SEMA5A: variants seen among roughly 807,000 people sequenced by gnomAD.
SEMA5A encodes the protein semaphorin 5A.
SEMA5A carries 55 observed loss-of-function variants against 135.5 expected under a neutral mutation model. That is an observed-to-expected ratio of 0.41 (90% CI 0.33 to 0.51). The LOEUF (loss-of-function observed/expected upper bound fraction) is 0.51. Ranked by LOEUF, SEMA5A falls within the 20% of genes least tolerant of loss-of-function variation. The probability of loss-of-function intolerance (pLI) is 0.37; values close to 1 mark genes in which losing one functional copy is unlikely to be tolerated. For missense variants in SEMA5A, 1,290 were observed against 1,419.9 expected (o/e 0.91, Z 1.47); for synonymous variants, 580 against 546.5 (o/e 1.06, Z -0.85).
chr5:9,408,099 C>T (rs113401453), intron 2 of SEMA5A, among the ~76,000 whole-genome samples: 3,507 of 151,960 alleles, frequency 0.023, 48 homozygotes, highest in Non-Finnish European at 0.031. Context: ...ACAATCATCA[C>T]CAACACTACC....
chr5:9,050,410 C>T lies in SEMA5A; in HGVS notation c.2893G>A (p.Glu965Lys), dbSNP rs775067642. 6.2e-7 allele frequency: 1 copy of T among 1,611,816 alleles called. No homozygotes were observed. Among genetic ancestry groups the T allele is most frequent in the South Asian group, 1.1e-5 (1 of 90,366 alleles). The change falls in exon 21 of 23, where the codon GAG (glutamate) becomes AAG (lysine). Residue 965 changes from glutamate to lysine, a missense_variant and splice_region_variant. Glu to Lys is a moderately conservative substitution (Grantham distance 56). Coordinates refer to ENST00000382496, the MANE Select transcript of SEMA5A (RefSeq NM_003966.3). Reference protein sequence around the residue: ...SSSVEEKRCGEFNMFHMIAVG... With the variant: ...SSSVEEKRCGKFNMFHMIAVG... ...CAACTACTTAAAAGGAATAACGTAC[C>T]TCCACACCTTTTCTCTTCTACGCTA...
At chr5:9,435,596 G>A (rs896633551) in intron 2 of SEMA5A, among the ~76,000 whole-genome samples, 2 of 152,082 alleles carry the variant, frequency 1.3e-5, no homozygotes, top group East Asian at 1.9e-4. Flanking sequence ...TACTGTCCCC[G>A]AAACACTCTC....
intron 12 of SEMA5A, among the ~76,000 whole-genome samples, chr5:9,142,282 C>T (rs549532872): frequency 2.2e-4 from 34 of 152,220 alleles, no homozygotes; most frequent in African/African-American, 7.7e-4. Context: ...ATTTGATAGG[C>T]GCCAGCAAGA....
intron 5 of SEMA5A, among the ~76,000 whole-genome samples, chr5:9,272,226 C>G (rs1750012693): frequency 1.3e-5 from 2 of 152,026 alleles, no homozygotes; most frequent in South Asian, 4.1e-4. Context: ...GGTGGTTTTA[C>G]CCTCACAGTG....
chr5:9,192,210 G>A (rs1464246698), intron 10 of SEMA5A, among the ~76,000 whole-genome samples: 1 of 152,278 alleles, frequency 6.6e-6, no homozygotes, highest in East Asian at 1.9e-4. Flanking sequence ...CATGGAATCA[G>A]GTGAGTGGCA....
At chr5:9,141,486 C>T (rs1237819009) in intron 12 of SEMA5A, among the ~76,000 whole-genome samples, 2 of 152,136 alleles carry the variant, frequency 1.3e-5, no homozygotes, top group Non-Finnish European at 2.9e-5. Context: ...ACACTATTCT[C>T]ATTTTACATA....
At chr5:9,516,220 C>T (rs916592722) in intron 1 of SEMA5A, among the ~76,000 whole-genome samples, 9 of 152,136 alleles carry the variant, frequency 5.9e-5, no homozygotes, top group South Asian at 4.2e-4. Flanking sequence ...CCTCTGCACA[C>T]GTATACACCA....
chr5:9,140,507 G>A (rs147440721), intron 12 of SEMA5A, among the ~76,000 whole-genome samples: 48 of 152,314 alleles, frequency 3.2e-4, no homozygotes, highest in African/African-American at 1.1e-3. Context: ...TGCAACTCAT[G>A]AGACAGACCC....
chr5:9,477,001 A>G (rs986746495), intron 1 of SEMA5A, among the ~76,000 whole-genome samples: 25 of 151,988 alleles, frequency 1.6e-4, no homozygotes, highest in African/African-American at 5.3e-4. Flanking sequence ...TTTAATCCCC[A>G]TATATCAAGG....
At chr5:9,224,468 A>G (rs1561042682) in intron 8 of SEMA5A, among the ~76,000 whole-genome samples, 1 of 152,264 alleles carries the variant, frequency 6.6e-6, no homozygotes, top group East Asian at 1.9e-4. Flanking sequence ...TCATGGTTAG[A>G]GTGTTGCGAA....
At chr5:9,135,781 T>C (rs1026403946) in intron 13 of SEMA5A, among the ~76,000 whole-genome samples, 14 of 152,106 alleles carry the variant, frequency 9.2e-5, no homozygotes, top group Non-Finnish European at 1.8e-4. Flanking sequence ...TAAGAGAATT[T>C]AAGATGATTC....
chr5:9,384,587 GATAGATAGATAGAT>G (rs1755762903), intron 2 of SEMA5A, among the ~76,000 whole-genome samples: 1 of 95,244 alleles, frequency 1.0e-5, no homozygotes, highest in Non-Finnish European at 2.2e-5. Context: ...TAGATAGATA[GATAGATAGATAGAT>G]AGATAGATAG....
intron 16 of SEMA5A, among the ~76,000 whole-genome samples, chr5:9,068,131 G>C (rs1737575692): frequency 6.6e-6 from 1 of 152,124 alleles, no homozygotes. Context: ...TCTTCTAATT[G>C]CTGAATTCCC....
intron 1 of SEMA5A, among the ~76,000 whole-genome samples, chr5:9,520,841 G>C (rs1369236839): frequency 6.6e-6 from 1 of 152,178 alleles, no homozygotes; most frequent in Non-Finnish European, 1.5e-5. Context: ...CTGAGAAACT[G>C]TCACAGCCAA....
chr5:9,204,527 G>A lies in SEMA5A; in HGVS notation c.647-2287C>T, dbSNP rs1745903220. 6.6e-6 allele frequency among the ~76,000 whole-genome samples: 1 copy of A among 152,244 alleles called. No homozygotes were observed. The highest frequency in any genetic ancestry group is 1.5e-5 in the Non-Finnish European group (1 of 68,048). ...ACAGCTAATATCTGTAGAATGCTAAGTCTTGTGCCAAGATCTGTGCTTGGT... is the reference window on the plus strand; with the variant it reads ...ACAGCTAATATCTGTAGAATGCTAAATCTTGTGCCAAGATCTGTGCTTGGT... On this transcript the variant is annotated intron_variant, in intron 8 of 22. Coordinates refer to ENST00000382496, the MANE Select transcript of SEMA5A (RefSeq NM_003966.3). This position sits in a 1 kb window ranked among gnomAD's most constrained non-coding sequence, Gnocchi z 6.4.
At chr5:9,521,382 C>A (rs1263011082) in intron 1 of SEMA5A, among the ~76,000 whole-genome samples, 1 of 152,088 alleles carries the variant, frequency 6.6e-6, no homozygotes, top group Non-Finnish European at 1.5e-5. Context: ...TGCATTCCAG[C>A]CTGGGCAACA....
At chr5:9,119,833 TAAG>T (rs1740712459) in intron 14 of SEMA5A, among the ~76,000 whole-genome samples, 1 of 152,152 alleles carries the variant, frequency 6.6e-6, no homozygotes, top group Admixed American at 6.5e-5. Flanking sequence ...AGAGTGCAAA[TAAG>T]AAGTGCAAAT....
In SEMA5A at chr5:9,421,738, A is replaced by C. The variant is rs141961218; in HGVS notation, c.-78+16018T>G. Among the ~76,000 whole-genome samples, 10 of 152,238 alleles carry C rather than the reference A, an allele frequency of 6.6e-5. No individual in the cohort carries two copies. The East Asian group carries it at 1.9e-3, about 29-fold the overall frequency. ...TGGCCAGTCAGAAGAATGATATCTC[A>C]TTTGAATTATCCTAAGAGCAATGGA... On this transcript the variant is annotated intron_variant, in intron 2 of 22. Coordinates refer to ENST00000382496, the MANE Select transcript of SEMA5A (RefSeq NM_003966.3).
At chr5:9,496,420 AT>A (rs1056355068) in intron 1 of SEMA5A, among the ~76,000 whole-genome samples, 50 of 152,346 alleles carry the variant, frequency 3.3e-4, no homozygotes, top group African/African-American at 1.2e-3. Context: ...GTTAAAATGC[AT>A]TTCAGATGAA....
Sources: gnomAD v4.1 joint callset for allele counts (sites outside exome capture counted in the v4.1 genomes callset) on GRCh38, gnomAD v4.1.1 for gene constraint, Gnocchi (gnomAD v3.1) non-coding constraint, MANE v1.5 for transcripts, NCBI Gene and HGNC (gene_info 2026-07-23, HGNC 2026-07-21) for gene names.